The following HTR2C variants were observed in gnomAD, a reference collection of about 807,000 sequenced individuals.
The protein encoded by HTR2C is 5-hydroxytryptamine receptor 2C.
A neutral mutation model predicts 21.0 loss-of-function variants in HTR2C; 5 were observed. The ratio of observed to expected loss-of-function variants is 0.24; its 90% CI spans 0.12 to 0.50. HTR2C has a LOEUF of 0.50. Among genes scored for constraint, HTR2C ranks in the 20% least tolerant of loss-of-function variants. HTR2C has a pLI of 0.98. For synonymous variants in HTR2C, 150 were observed against 145.3 expected (o/e 1.03, Z -0.23); for missense variants, 271 against 371.2 (o/e 0.73, Z 2.22).
intron 2 of HTR2C, among the ~76,000 whole-genome samples, chrX:114,694,817 C>T (rs1932230212): frequency 9.0e-6 from 1 of 111,474 alleles, no homozygotes; most frequent in East Asian, 2.8e-4. Flanking sequence ...TCAAACCTCA[C>T]TAGTAGCACA....
chrX:114,787,430 T>G (rs1437022057), intron 4 of HTR2C, among the ~76,000 whole-genome samples: 1 of 111,334 alleles, frequency 9.0e-6, no homozygotes, highest in Admixed American at 9.6e-5. Context: ...TTCCAGAAAA[T>G]ATTTATGATT....
intron 4 of HTR2C, among the ~76,000 whole-genome samples, chrX:114,809,942 G>A (rs1017339954): frequency 1.8e-5 from 2 of 111,824 alleles, no homozygotes; most frequent in African/African-American, 6.5e-5. Flanking sequence ...AATTCTGCTC[G>A]GCTACCACTG....
At chrX:114,723,103 C>T (rs1481199885) in intron 2 of HTR2C, among the ~76,000 whole-genome samples, 1 of 111,061 alleles carries the variant, frequency 9.0e-6, no homozygotes, top group African/African-American at 3.3e-5. Flanking sequence ...CCAGTTCCTC[C>T]TTGTACCTCT....
chrX:114,846,532 C>T lies in HTR2C; in HGVS notation c.350-1471C>T, dbSNP rs1200688221. Among the ~76,000 whole-genome samples the T allele has an allele frequency of 7.2e-5, 8 of 111,777 alleles. No homozygotes were observed. In the East Asian group the frequency reaches 2.3e-3, roughly 31 times the overall value. The stretch of plus-strand genomic sequence containing the variant: ...ACAGAAACTAATCAATGTAATGTAT[C>T]ACATTAATAGAATGAAGGTATGCAA... On this transcript the variant is annotated intron_variant, in intron 4 of 5. Coordinates refer to ENST00000276198, the MANE Select transcript of HTR2C (RefSeq NM_000868.4).
chrX:114,647,963 A>G (rs1363228408), intron 2 of HTR2C, among the ~76,000 whole-genome samples: 2 of 112,596 alleles, frequency 1.8e-5, no homozygotes, highest in Non-Finnish European at 3.8e-5. Flanking sequence ...CTGTAAGAAA[A>G]GACAGATTAA....
At chrX:114,633,947 T>TATATATATATATATAGAG (rs201763901) in intron 2 of HTR2C, among the ~76,000 whole-genome samples, 15 of 92,195 alleles carry the variant, frequency 1.6e-4, no homozygotes, top group African/African-American at 5.5e-4. Flanking sequence ...TATATATATA[T>TATATATATATATATAGAG]AGAGAGAGAG....
chrX:114,688,827 C>CCA (rs1569484133), intron 2 of HTR2C, among the ~76,000 whole-genome samples: 1 of 110,581 alleles, frequency 9.0e-6, no homozygotes, highest in Non-Finnish European at 1.9e-5. Context: ...TTCCAGACCA[C>CCA]CATTTCTTTT....
Position 114,774,814 on chromosome X carries a change from ATATT to A in HTR2C, c.349+43211_349+43214del, listed in dbSNP as rs2070040233. 13 of 441,135 alleles carry A rather than the reference ATATT, an allele frequency of 2.9e-5. No homozygotes were observed. The South Asian group carries it at 3.5e-4, about 12-fold the overall frequency. 36.4% of individuals were successfully genotyped at this position (441,135 alleles called of 1,213,427 possible). A position where few individuals can be genotyped will look rare whatever the true frequency, so the allele number is the denominator to read the frequency against. ...AAATGTGTGGAACAATGCTACATCT[ATATT>A]TATGTTGGCTTAATCAACCTCTTCA... On this transcript the variant is annotated intron_variant, in intron 4 of 5. Coordinates refer to ENST00000276198, the MANE Select transcript of HTR2C (RefSeq NM_000868.4).
intron 4 of HTR2C, among the ~76,000 whole-genome samples, chrX:114,806,691 TACACCATATATAC>T (rs1443788226): frequency 8.1e-5 from 8 of 98,247 alleles, no homozygotes; most frequent in Non-Finnish European, 1.6e-4. Flanking sequence ...ACCACATATA[TACACCATATATAC>T]ACACCATATA....
intron 4 of HTR2C, among the ~76,000 whole-genome samples, chrX:114,737,119 A>T (rs191614227): frequency 2.9e-3 from 322 of 111,390 alleles, no homozygotes; most frequent in African/African-American, 9.7e-3. Flanking sequence ...CAGAAAAAAA[A>T]AATAATAAAG....
At chrX:114,867,355 T>G (rs782732352) in intron 5 of HTR2C, among the ~76,000 whole-genome samples, 1 of 111,840 alleles carries the variant, frequency 8.9e-6, no homozygotes, top group South Asian at 3.7e-4. Flanking sequence ...ATTGGATTAT[T>G]AGACTTTTTC....
intron 5 of HTR2C, among the ~76,000 whole-genome samples, chrX:114,898,781 GT>G (rs1167823401): frequency 8.9e-6 from 1 of 111,939 alleles, no homozygotes; most frequent in Non-Finnish European, 1.9e-5. Context: ...GTACCATGCT[GT>G]TTTGGTTACT....
chrX:114,696,589 A>C (rs144517439), intron 2 of HTR2C, among the ~76,000 whole-genome samples: 2,116 of 107,928 alleles, frequency 0.02, 60 homozygotes, highest in African/African-American at 0.067. Flanking sequence ...TAGAAGTAGG[A>C]GCAAAGCTGA....
At chrX:114,597,107 A>G (rs1927887738) in intron 1 of HTR2C, among the ~76,000 whole-genome samples, 1 of 105,079 alleles carries the variant, frequency 9.5e-6, no homozygotes, top group Non-Finnish European at 1.9e-5. Flanking sequence ...AATCCCAGCT[A>G]TTTGGGAGGC....
chrX:114,773,616 A>G (rs1450446980), intron 4 of HTR2C, among the ~76,000 whole-genome samples: 1 of 112,239 alleles, frequency 8.9e-6, no homozygotes, highest in African/African-American at 3.2e-5. Context: ...GAGATCACTT[A>G]TGCTGAACAA....
intron 4 of HTR2C, among the ~76,000 whole-genome samples, chrX:114,737,252 G>T (rs1345037301): frequency 2.2e-4 from 23 of 103,290 alleles, no homozygotes; most frequent in African/African-American, 8.0e-4. Context: ...TTTGAGATGG[G>T]GTCTCGCTCT....
chrX:114,876,822 G>A (rs1556478366), intron 5 of HTR2C, among the ~76,000 whole-genome samples: 3 of 97,516 alleles, frequency 3.1e-5, no homozygotes, highest in Non-Finnish European at 6.2e-5. Flanking sequence ...TTGATGAGCT[G>A]TTGAATTCAG....
chrX:114,843,214 G>A (rs891041577), intron 4 of HTR2C, among the ~76,000 whole-genome samples: 5 of 111,901 alleles, frequency 4.5e-5, no homozygotes, highest in African/African-American at 1.6e-4. Context: ...GGAAACCATG[G>A]AGTAAGAATT....
intron 2 of HTR2C, among the ~76,000 whole-genome samples, chrX:114,677,392 A>T (rs983677531): frequency 1.8e-5 from 2 of 111,428 alleles, no homozygotes; most frequent in Non-Finnish European, 3.8e-5. Context: ...CAACTCTTAA[A>T]TTATCTGGAA....
Sources: allele counts gnomAD v4.1 joint callset (sites outside exome capture counted in the v4.1 genomes callset), GRCh38; gene constraint gnomAD v4.1.1; transcripts MANE v1.5; gene names NCBI Gene and HGNC (gene_info 2026-07-23, HGNC 2026-07-21).